Variants in SEPTIN9 observed in about 807,000 individuals in gnomAD.
The protein encoded by SEPTIN9 is septin-9.
SEPTIN9 carries 13 observed loss-of-function variants against 56.6 expected under a neutral mutation model. The ratio of observed to expected loss-of-function variants is 0.23; its 90% CI spans 0.15 to 0.37. The LOEUF is 0.37. Ranked by LOEUF, SEPTIN9 falls within the 10% of genes least tolerant of loss-of-function variation. SEPTIN9 has a pLI of 1.00. For synonymous variants in SEPTIN9, 332 were observed against 334.1 expected, an observed-to-expected ratio of 0.99 and a Z score of 0.07; for missense variants, 650 against 823.1, an observed-to-expected ratio of 0.79 and a Z score of 2.57.
At chr17:77,461,254 C>T (rs534160837) in intron 3 of SEPTIN9, among the ~76,000 whole-genome samples, 34 of 151,626 alleles carry the variant, frequency 2.2e-4, no homozygotes, top group Admixed American at 1.3e-4. Context: ...TGCAGTGAGC[C>T]GAGATCACAC....
At chr17:77,336,431 A>G (rs1400664779) in intron 2 of SEPTIN9, among the ~76,000 whole-genome samples, 1 of 152,202 alleles carries the variant, frequency 6.6e-6, no homozygotes, top group African/African-American at 2.4e-5. Context: ...ATCTCTACAG[A>G]ATTACATTGT....
At chr17:77,482,537 G>A (rs2039500380) in intron 4 of SEPTIN9, 1 of 712,864 alleles carries the variant, frequency 1.4e-6, no homozygotes, top group Admixed American at 2.0e-5. Context: ...TCCTCAGAGG[G>A]GCCTGTCCTG....
chr17:77,334,188 C>T (rs888761733), intron 2 of SEPTIN9, among the ~76,000 whole-genome samples: 6 of 152,078 alleles, frequency 3.9e-5, no homozygotes, highest in Non-Finnish European at 8.8e-5. Context: ...TTTGGGAGGC[C>T]GAGGCGGGCA....
chr17:77,325,567 G>A (rs190216900), intron 2 of SEPTIN9, among the ~76,000 whole-genome samples: 1 of 152,280 alleles, frequency 6.6e-6, no homozygotes, highest in Admixed American at 6.5e-5. Context: ...AGCCCGGGGC[G>A]TCCTGAGGCC....
At chr17:77,377,245 CGCCACT>C (rs1293076792) in intron 2 of SEPTIN9, 4 of 152,180 alleles carry the variant, frequency 2.6e-5, no homozygotes, top group Non-Finnish European at 5.9e-5. Flanking sequence ...CTGCAGCACC[CGCCACT>C]GCCCGTAATA....
intron 2 of SEPTIN9, among the ~76,000 whole-genome samples, chr17:77,379,025 T>A (rs772139913): frequency 6.6e-6 from 1 of 152,094 alleles, no homozygotes; most frequent in Non-Finnish European, 1.5e-5. Context: ...AGAGTGTGCA[T>A]CCCAGGGAGT....
intron 2 of SEPTIN9, among the ~76,000 whole-genome samples, chr17:77,378,681 C>T (rs913531165): frequency 1.3e-5 from 2 of 152,192 alleles, no homozygotes; most frequent in Non-Finnish European, 2.9e-5. Context: ...CCAGTAGCGC[C>T]CGCCTGGGGG....
intron 2 of SEPTIN9, among the ~76,000 whole-genome samples, chr17:77,399,764 T>C (rs1404569907): frequency 6.6e-6 from 1 of 152,086 alleles, no homozygotes; most frequent in Non-Finnish European, 1.5e-5. Context: ...CCCTGGGGCT[T>C]CTGCAGAATC....
intron 2 of SEPTIN9, among the ~76,000 whole-genome samples, chr17:77,351,066 G>A (rs1230061240): frequency 6.6e-6 from 1 of 151,634 alleles, no homozygotes; most frequent in Non-Finnish European, 1.5e-5. Flanking sequence ...GTGTGTATAT[G>A]TGTGTGCCTG....
At position 77,367,891 on chromosome 17, in the gene SEPTIN9, C is replaced by T. The variant is rs1016721269; in HGVS notation, c.77-34168C>T. Among the ~76,000 whole-genome samples the T allele has an allele frequency of 6.6e-6, 1 of 152,188 alleles. No individual in the cohort carries two copies. The highest frequency in any genetic ancestry group is 1.9e-4 in the East Asian group (1 of 5,184). ...GCAAGGACTTGAACAAATATTTGCA[C>T]ACCCATGTTTGTAGCAGCTTTACTC... On this transcript the variant is annotated intron_variant, in intron 2 of 11. Coordinates refer to ENST00000427177, the MANE Select transcript of SEPTIN9 (RefSeq NM_001113491.2). The surrounding 1 kb of genome is among the most constrained non-coding windows in gnomAD (Gnocchi z 4.5).
intron 2 of SEPTIN9, among the ~76,000 whole-genome samples, chr17:77,352,926 G>C (rs183324342): frequency 6.6e-6 from 1 of 152,274 alleles, no homozygotes; most frequent in East Asian, 1.9e-4. Flanking sequence ...TGGGATTAGA[G>C]ACATGAGCTG....
chr17:77,339,836 T>G (rs925862632), intron 2 of SEPTIN9, among the ~76,000 whole-genome samples: 3 of 151,834 alleles, frequency 2.0e-5, no homozygotes, highest in African/African-American at 4.8e-5. Flanking sequence ...TGTTGTTGTT[T>G]TTTAATTGAG....
At chr17:77,383,013 A>C (rs2035201204) in intron 2 of SEPTIN9, among the ~76,000 whole-genome samples, 1 of 152,150 alleles carries the variant, frequency 6.6e-6, no homozygotes, top group East Asian at 1.9e-4. Context: ...GGCTGTGGCC[A>C]CAGCAAGGCC....
In SEPTIN9 at chr17:77,317,920, AG is replaced by A. The variant is rs1267550243; in HGVS notation, c.76+10725del. On this transcript the variant is annotated intron_variant, in intron 2 of 11. Coordinates refer to ENST00000427177, the MANE Select transcript of SEPTIN9 (RefSeq NM_001113491.2). This position sits in a 1 kb window ranked among gnomAD's most constrained non-coding sequence, Gnocchi z 4.2. ...ACAAAAATTAGCCGGACACGGTGGC[AG>A]GCGTCTGTAGTCCCAGCTTCTTGGG... Among the ~76,000 whole-genome samples, 1 of 152,060 alleles carries A rather than the reference AG, an allele frequency of 6.6e-6. No homozygotes were observed. Among genetic ancestry groups the A allele is most frequent in the African/African-American group, 2.4e-5 (1 of 41,424 alleles).
chr17:77,488,943 G>C, intron 7 of SEPTIN9, 79 bp downstream of exon 7: 2 of 1,564,660 alleles, frequency 1.3e-6, no homozygotes, highest in Non-Finnish European at 1.7e-6. Context: ...AGACGGTGCT[G>C]TCTGCCCTGC....
chr17:77,480,087 G>GA (rs2039392501), intron 3 of SEPTIN9, among the ~76,000 whole-genome samples: 1 of 152,188 alleles, frequency 6.6e-6, no homozygotes, highest in Non-Finnish European at 1.5e-5. Flanking sequence ...GCCACGTGGG[G>GA]GCACAGAGAG....
In SEPTIN9 at chr17:77,416,743, C is replaced by T. The variant is rs568384814; in HGVS notation, c.721+14040C>T. Among the ~76,000 whole-genome samples the T allele has an allele frequency of 2.6e-5, 4 of 152,296 alleles. No individual in the cohort carries two copies. The South Asian group carries it at 6.2e-4, about 24-fold the overall frequency. On this transcript the variant is annotated intron_variant, in intron 3 of 11. Coordinates refer to ENST00000427177, the MANE Select transcript of SEPTIN9 (RefSeq NM_001113491.2). ...TGCTGGGTGGCAGGTTGTCCACCCT[C>T]GCCCACTCAACGCTGGAACTGGATG...
chr17:77,338,233 A>G (rs1009606995), intron 2 of SEPTIN9, among the ~76,000 whole-genome samples: 12 of 152,082 alleles, frequency 7.9e-5, no homozygotes, highest in African/African-American at 1.7e-4. Flanking sequence ...ACACTATACT[A>G]TAGTCTATTA....
intron 2 of SEPTIN9, chr17:77,373,155 A>T: frequency 9.7e-7 from 1 of 1,030,588 alleles, no homozygotes; most frequent in Non-Finnish European, 1.2e-6. Context: ...TCGTGTGCCC[A>T]GGACTGTCCC....
Sources: allele counts gnomAD v4.1 joint callset (sites outside exome capture counted in the v4.1 genomes callset), GRCh38; gene constraint gnomAD v4.1.1; non-coding constraint Gnocchi (gnomAD v3.1); transcripts MANE v1.5; gene names NCBI Gene and HGNC (gene_info 2026-07-23, HGNC 2026-07-21).